Variants in SPPL3 observed in about 807,000 individuals in gnomAD.
The protein encoded by SPPL3 is signal peptide peptidase-like 3.
SPPL3 carries 5 observed loss-of-function variants against 42.4 expected under a neutral mutation model. That is an observed-to-expected ratio of 0.12 (90% CI 0.06 to 0.25). SPPL3 has a LOEUF of 0.25. Ranked by LOEUF, SPPL3 falls within the 10% of genes least tolerant of loss-of-function variation. The probability of loss-of-function intolerance (pLI) is 1.00; values close to 1 mark genes in which losing one functional copy is unlikely to be tolerated. For synonymous variants in SPPL3, 195 were observed against 181.8 expected, an observed-to-expected ratio of 1.07 and a Z score of -0.58; for missense variants, 235 against 489.0, an observed-to-expected ratio of 0.48 and a Z score of 4.90.
intron 1 of SPPL3, among the ~76,000 whole-genome samples, chr12:120,834,801 G>A (rs1871552016): frequency 6.6e-6 from 1 of 152,102 alleles, no homozygotes; most frequent in South Asian, 2.1e-4. Flanking sequence ...TCATAACTGT[G>A]TGCACACAGT....
intron 1 of SPPL3, among the ~76,000 whole-genome samples, chr12:120,890,737 T>C (rs1197918801): frequency 1.3e-5 from 2 of 151,908 alleles, no homozygotes; most frequent in African/African-American, 4.8e-5. Flanking sequence ...GGAACAAAAA[T>C]TTAGGAAAAG....
chr12:120,801,884 G>GGT (rs542894508), intron 2 of SPPL3, among the ~76,000 whole-genome samples: 507 of 152,180 alleles, frequency 3.3e-3, no homozygotes, highest in African/African-American at 0.012. Flanking sequence ...CTTTAAATTG[G>GGT]GTGTAAGTAT....
intron 6 of SPPL3, 117 bp from the exon 7 acceptor site, chr12:120,769,176 T>C (rs1181918870): frequency 1.4e-6 from 1 of 738,422 alleles, no homozygotes; most frequent in Non-Finnish European, 2.2e-6. Flanking sequence ...CAGGCAGCCC[T>C]AAGCTCCAGC....
intron 1 of SPPL3, among the ~76,000 whole-genome samples, chr12:120,827,456 T>A (rs1230456451): frequency 6.6e-6 from 1 of 152,062 alleles, no homozygotes; most frequent in Non-Finnish European, 1.5e-5. Flanking sequence ...CCTCATTTCA[T>A]CTTTTCAACT....
intron 1 of SPPL3, chr12:120,845,353 A>T (rs767139587): frequency 5.8e-5 from 21 of 359,068 alleles, no homozygotes; most frequent in Non-Finnish European, 1.2e-4. Context: ...GCAGGCCTCA[A>T]TCATACGCCC....
intron 1 of SPPL3, among the ~76,000 whole-genome samples, chr12:120,837,821 T>C (rs1871673390): frequency 1.3e-5 from 2 of 151,250 alleles, no homozygotes; most frequent in South Asian, 2.1e-4. Context: ...AGCTGTTACA[T>C]ACACACACAC....
intron 1 of SPPL3, among the ~76,000 whole-genome samples, chr12:120,867,056 T>C (rs1350424844): frequency 1.3e-5 from 2 of 152,240 alleles, no homozygotes; most frequent in African/African-American, 4.8e-5. Context: ...AACTCTACAA[T>C]GTACTCCTAA....
At chr12:120,849,169 C>G (rs1345874664) in intron 1 of SPPL3, among the ~76,000 whole-genome samples, 1 of 139,370 alleles carries the variant, frequency 7.2e-6, no homozygotes, top group Non-Finnish European at 1.6e-5. Context: ...CCCTCTAAAA[C>G]CAGAGGAAGA....
chr12:120,874,867 G>C (rs1873036673), intron 1 of SPPL3, among the ~76,000 whole-genome samples: 1 of 152,100 alleles, frequency 6.6e-6, no homozygotes, highest in Non-Finnish European at 1.5e-5. Context: ...AAATATAGCA[G>C]AAGTGACACT....
At position 120,780,390 on chromosome 12, in the gene SPPL3, G is replaced by C. The variant is rs186968990; in HGVS notation, c.502+2265C>G. On this transcript the variant is annotated intron_variant, in intron 6 of 10. Coordinates refer to ENST00000353487, the MANE Select transcript of SPPL3 (RefSeq NM_139015.5). ...AGGACTGCTTGAGTTCAAGAGTTGG[G>C]TAAGCACTGATCATGCCACTGCACT... is the stretch of plus-strand genomic sequence containing the variant. 5.9e-5 allele frequency among the ~76,000 whole-genome samples: 9 copies of C among 151,804 alleles called. No individual in the cohort carries two copies. The East Asian group carries it at 1.6e-3, about 26-fold the overall frequency.
Position 120,766,135 on chromosome 12 carries a change from C to T in SPPL3, c.1083+128G>A, listed in dbSNP as rs1302248328. ...ACACACACACACACACACACACACA[C>T]ACACACAGTCGAGATCACAAGCTCA... On this transcript the variant is annotated intron_variant, in intron 10 of 10. Transcript: ENST00000353487. 19 of 656,602 alleles carry T rather than the reference C, an allele frequency of 2.9e-5. No individual in the cohort carries two copies. In the South Asian group the frequency reaches 3.3e-4, roughly 11 times the overall value. The allele number at this position is 656,602 out of a possible 1,614,324, so 40.7% of individuals were successfully genotyped here.
At chr12:120,820,672 C>T (rs1455416971) in intron 1 of SPPL3, among the ~76,000 whole-genome samples, 3 of 151,994 alleles carry the variant, frequency 2.0e-5, no homozygotes, top group Non-Finnish European at 4.4e-5. Flanking sequence ...TTCCACATTT[C>T]CCCATATTTT....
chr12:120,828,271 C>T (rs936523230), intron 1 of SPPL3, among the ~76,000 whole-genome samples: 2 of 151,956 alleles, frequency 1.3e-5, no homozygotes, highest in Non-Finnish European at 2.9e-5. Context: ...ATATCTTGAA[C>T]TGAATGAGGA....
At chr12:120,845,095 G>C (rs1871974415) in intron 1 of SPPL3, 2 of 375,604 alleles carry the variant, frequency 5.3e-6, no homozygotes, top group African/African-American at 4.3e-5. Context: ...GAGTGAGAGG[G>C]AGGGGTGTCG....
intron 1 of SPPL3, among the ~76,000 whole-genome samples, chr12:120,847,679 C>T (rs1362731962): frequency 6.6e-6 from 1 of 152,046 alleles, no homozygotes; most frequent in Non-Finnish European, 1.5e-5. Context: ...GACCCTCCCA[C>T]CTTGGCTTCC....
chr12:120,843,111 G>C (rs2137027520), intron 1 of SPPL3, among the ~76,000 whole-genome samples: 1 of 152,224 alleles, frequency 6.6e-6, no homozygotes, highest in South Asian at 2.1e-4. Flanking sequence ...TCATTCAACA[G>C]TGTTCACAGT....
At chr12:120,765,132 T>G (rs1219054782) in intron 10 of SPPL3, 62 bp from the exon 11 acceptor site, 39 of 1,537,756 alleles carry the variant, frequency 2.5e-5, no homozygotes, top group Middle Eastern at 1.7e-4. Flanking sequence ...AGCTGTCTGA[T>G]TCTTTAAAAA....
At chr12:120,882,831 TAC>T (rs993469207) in intron 1 of SPPL3, among the ~76,000 whole-genome samples, 1 of 152,148 alleles carries the variant, frequency 6.6e-6, no homozygotes, top group African/African-American at 2.4e-5. Context: ...AGTTCAAGGT[TAC>T]AGTTAACTAT....
intron 1 of SPPL3, among the ~76,000 whole-genome samples, chr12:120,815,603 T>C (rs1444408252): frequency 6.6e-6 from 1 of 152,222 alleles, no homozygotes; most frequent in Non-Finnish European, 1.5e-5. Flanking sequence ...ATATCTACAC[T>C]TCCCAAATTC....
Sources: gnomAD v4.1 joint callset for allele counts (sites outside exome capture counted in the v4.1 genomes callset) on GRCh38, gnomAD v4.1.1 for gene constraint, MANE v1.5 for transcripts, NCBI Gene and HGNC (gene_info 2026-07-23, HGNC 2026-07-21) for gene names.